Variants in PIGK observed in about 807,000 individuals in gnomAD.
PIGK encodes the protein phosphatidylinositol glycan anchor biosynthesis class K, also known as GPI-anchor transamidase.
In PIGK, 42 loss-of-function variants were observed where a neutral mutation model predicts 50.6. The ratio of observed to expected loss-of-function variants is 0.83; its 90% confidence interval spans 0.65 to 1.07. The LOEUF (loss-of-function observed/expected upper bound fraction) is 1.07, where lower values mean the gene tolerates loss of function less well. PIGK is among the 50% of genes least tolerant of loss of function. The pLI, the probability that PIGK is intolerant of heterozygous loss-of-function variation, is 0.00. For synonymous variants in PIGK, 151 were observed against 156.0 expected (o/e 0.97, Z 0.24); for missense variants, 448 against 488.7 (o/e 0.92, Z 0.78).
intron 1 of PIGK, among the ~76,000 whole-genome samples, chr1:77,216,520 A>G (rs1370434938): frequency 6.6e-6 from 1 of 152,206 alleles, no homozygotes; most frequent in Non-Finnish European, 1.5e-5. Context: ...AGTATTTCAC[A>G]TTAAATGAAA....
intron 9 of PIGK, among the ~76,000 whole-genome samples, chr1:77,125,092 C>A (rs1654199797): frequency 1.3e-5 from 2 of 152,138 alleles, no homozygotes; most frequent in African/African-American, 2.4e-5. Flanking sequence ...TTCCAAAAAT[C>A]TAAAACAAGA....
intron 5 of PIGK, 24 bp downstream of exon 5, chr1:77,166,695 A>T (rs1655242325): frequency 1.7e-6 from 2 of 1,187,938 alleles, no homozygotes; most frequent in Admixed American, 4.2e-5. Context: ...ACTCTACTAT[A>T]AAAACTCTAA....
chr1:77,217,060 G>T (rs1256419925), intron 1 of PIGK, among the ~76,000 whole-genome samples: 1 of 152,176 alleles, frequency 6.6e-6, no homozygotes, highest in Non-Finnish European at 1.5e-5. Context: ...GTTCAATAAA[G>T]AGGAGCATGC....
intron 3 of PIGK, among the ~76,000 whole-genome samples, chr1:77,178,282 C>G (rs1337255615): frequency 2.0e-5 from 3 of 152,206 alleles, no homozygotes; most frequent in South Asian, 2.1e-4. Flanking sequence ...TTAAAGAGAA[C>G]ATTGCCAGGA....
chr1:77,129,156 T>C, intron 9 of PIGK: 4 of 1,539,396 alleles, frequency 2.6e-6, no homozygotes, highest in Non-Finnish European at 3.6e-6. Context: ...CACGAAATCA[T>C]GCAAATCAAG....
intron 10 of PIGK, among the ~76,000 whole-genome samples, chr1:77,105,024 TG>T (rs1653635236): frequency 6.6e-6 from 1 of 152,068 alleles, no homozygotes; most frequent in Non-Finnish European, 1.5e-5. Context: ...TACCCACGCT[TG>T]GTGGGTCCTG....
At chr1:77,185,013 C>T (rs985125124) in intron 3 of PIGK, among the ~76,000 whole-genome samples, 7 of 152,162 alleles carry the variant, frequency 4.6e-5, no homozygotes, top group Non-Finnish European at 7.3e-5. Context: ...AGAATGACAG[C>T]AGATTATCAT....
At chr1:77,146,504 A>C (rs189783119) in intron 9 of PIGK, among the ~76,000 whole-genome samples, 1 of 152,174 alleles carries the variant, frequency 6.6e-6, no homozygotes, top group East Asian at 1.9e-4. Flanking sequence ...TCTAAAAAAA[A>C]TGTAAAAGAG....
chr1:77,126,823 A>C (rs1322061495), intron 9 of PIGK, among the ~76,000 whole-genome samples: 6 of 152,184 alleles, frequency 3.9e-5, no homozygotes, highest in Admixed American at 2.6e-4. Flanking sequence ...TAAAATGGTA[A>C]AGTTCTCTTT....
chr1:77,152,086 T>C (rs558728715), intron 9 of PIGK, among the ~76,000 whole-genome samples: 13 of 152,178 alleles, frequency 8.5e-5, no homozygotes, highest in Non-Finnish European at 1.6e-4. Flanking sequence ...CGCATCATAC[T>C]ATTTGATTTC....
chr1:77,200,834 T>C (rs1381367799), intron 3 of PIGK, among the ~76,000 whole-genome samples: 1 of 152,140 alleles, frequency 6.6e-6, no homozygotes, highest in Non-Finnish European at 1.5e-5. Context: ...TTTTAGTATG[T>C]AAAATGTGAA....
At chr1:77,206,130 T>C (rs1656281015) in intron 3 of PIGK, among the ~76,000 whole-genome samples, 1 of 152,202 alleles carries the variant, frequency 6.6e-6, no homozygotes, top group African/African-American at 2.4e-5. Flanking sequence ...CAGTAGCAGC[T>C]ATGCAGTAGC....
chr1:77,136,378 A>T (rs897112424), intron 9 of PIGK, among the ~76,000 whole-genome samples: 1 of 151,238 alleles, frequency 6.6e-6, no homozygotes, highest in Non-Finnish European at 1.5e-5. Context: ...AAATACAAAA[A>T]ATTAGCCGGG....
chr1:77,205,295 G>A lies in PIGK; in HGVS notation c.239+1345C>T, dbSNP rs114653317. ...TAGGCCTATTTGAGAAAAACCAATTGACAAATGACAAGAATTATATCTATA... is the reference window on the plus strand; with the variant it reads ...TAGGCCTATTTGAGAAAAACCAATTAACAAATGACAAGAATTATATCTATA... On this transcript the variant is annotated intron_variant, in intron 3 of 10. Transcript: ENST00000370812. 2.7e-3 allele frequency among the ~76,000 whole-genome samples: 414 copies of A among 151,256 alleles called. 1 individual carries two copies. The highest frequency in any genetic ancestry group is 9.3e-3 in the African/African-American group (381 of 41,166).
At chr1:77,101,892 T>G (rs1653550325) in intron 10 of PIGK, among the ~76,000 whole-genome samples, 1 of 152,028 alleles carries the variant, frequency 6.6e-6, no homozygotes, top group Non-Finnish European at 1.5e-5. Flanking sequence ...TAGTCCCAGC[T>G]ACTTGGGAGG....
intron 3 of PIGK, among the ~76,000 whole-genome samples, chr1:77,190,102 T>C (rs911194891): frequency 6.6e-5 from 10 of 151,904 alleles, no homozygotes; most frequent in African/African-American, 2.2e-4. Flanking sequence ...TGAAAGCATT[T>C]AATAGCCGGG....
At chr1:77,138,294 G>A (rs946511075) in intron 9 of PIGK, among the ~76,000 whole-genome samples, 7 of 152,204 alleles carry the variant, frequency 4.6e-5, no homozygotes, top group Non-Finnish European at 1.0e-4. Context: ...TAGACAGATT[G>A]AAAATAGGAG....
chr1:77,128,019 T>G (rs1654269453), intron 9 of PIGK, among the ~76,000 whole-genome samples: 1 of 152,164 alleles, frequency 6.6e-6, no homozygotes, highest in African/African-American at 2.4e-5. Flanking sequence ...TATTGGTCAA[T>G]GGAGACAAAC....
chr1:77,157,768 A>G (rs1309878771), intron 8 of PIGK, among the ~76,000 whole-genome samples: 1 of 152,170 alleles, frequency 6.6e-6, no homozygotes, highest in Non-Finnish European at 1.5e-5. Context: ...AGTCCCACAT[A>G]TTATGGGACA....
Sources: gnomAD v4.1 joint callset for allele counts (sites outside exome capture counted in the v4.1 genomes callset) on GRCh38, gnomAD v4.1.1 for gene constraint, MANE v1.5 for transcripts, NCBI Gene and HGNC (gene_info 2026-07-23, HGNC 2026-07-21) for gene names.